The following NPFFR2 variants were observed in gnomAD, a reference collection of about 807,000 sequenced individuals.
NPFFR2 encodes the protein G-protein coupled receptor 74.
Under a neutral mutation model 13.1 loss-of-function variants are expected in NPFFR2, and 15 were observed. The ratio of observed to expected loss-of-function variants is 1.15; its 90% CI spans 0.77 to 1.76. The LOEUF (loss-of-function observed/expected upper bound fraction) is 1.76, where lower values mean the gene tolerates loss of function less well. NPFFR2 is among the 40% of genes most tolerant of loss of function. The probability of loss-of-function intolerance (pLI) is 0.00; values close to 1 mark genes in which losing one functional copy is unlikely to be tolerated. For synonymous variants in NPFFR2, 190 were observed against 175.7 expected, an observed-to-expected ratio of 1.08 and a Z score of -0.65; for missense variants, 572 against 503.5, an observed-to-expected ratio of 1.14 and a Z score of -1.30.
At chr4:72,136,534 C>A (rs1464008515) in intron 2 of NPFFR2, among the ~76,000 whole-genome samples, 1 of 152,142 alleles carries the variant, frequency 6.6e-6, no homozygotes, top group Non-Finnish European at 1.5e-5. Context: ...CTTCATTAGT[C>A]TGGACTATTC....
At chr4:72,077,484 C>G (rs1017872546) in intron 1 of NPFFR2, among the ~76,000 whole-genome samples, 3 of 152,120 alleles carry the variant, frequency 2.0e-5, no homozygotes, top group African/African-American at 7.2e-5. Flanking sequence ...TTTCCAAATG[C>G]CCTTCCAATG....
intron 3 of NPFFR2, among the ~76,000 whole-genome samples, chr4:72,145,263 A>G (rs1487056031): frequency 4.8e-5 from 5 of 103,688 alleles, no homozygotes; most frequent in Non-Finnish European, 6.8e-5. Context: ...GTAAGTACAT[A>G]TATTGTTATA....
intron 1 of NPFFR2, among the ~76,000 whole-genome samples, chr4:72,102,936 G>A (rs1225060513): frequency 6.6e-6 from 1 of 151,992 alleles, no homozygotes; most frequent in African/African-American, 2.4e-5. Flanking sequence ...AGATCCCTGA[G>A]GAATCGCCAC....
intron 1 of NPFFR2, among the ~76,000 whole-genome samples, chr4:72,042,491 TA>T (rs941358586): frequency 3.3e-4 from 50 of 152,148 alleles, no homozygotes; most frequent in African/African-American, 1.2e-3. Flanking sequence ...GAGGGCTCAG[TA>T]GAAGATAAGA....
intron 2 of NPFFR2, among the ~76,000 whole-genome samples, chr4:72,129,298 G>T (rs1392781076): frequency 1.3e-5 from 2 of 149,698 alleles, no homozygotes; most frequent in African/African-American, 4.9e-5. Context: ...AAAAGAAAAA[G>T]ACACAGAGAC....
chr4:72,143,031 G>T (rs1449481554), intron 3 of NPFFR2, among the ~76,000 whole-genome samples: 1 of 152,160 alleles, frequency 6.6e-6, no homozygotes, highest in Non-Finnish European at 1.5e-5. Flanking sequence ...ATTCACAAAA[G>T]AAGTGAGACC....
Position 72,092,257 on chromosome 4 carries a change from A to G in NPFFR2, c.-7-36328A>G, listed in dbSNP as rs561131885. On this transcript the variant is annotated intron_variant, in intron 1 of 3. Coordinates refer to ENST00000308744, the MANE Select transcript of NPFFR2 (RefSeq NM_004885.3). ...GTTGATACTTATTTTGTGGCCTATCATATGGTCTATCATGGAGAAGGTTCC... is the reference window on the plus strand; with the variant it reads ...GTTGATACTTATTTTGTGGCCTATCGTATGGTCTATCATGGAGAAGGTTCC... Among the ~76,000 whole-genome samples the G allele has an allele frequency of 2.0e-5, 3 of 152,196 alleles. No homozygotes were observed. In the South Asian group the frequency reaches 6.2e-4, roughly 32 times the overall value.
intron 1 of NPFFR2, among the ~76,000 whole-genome samples, chr4:72,049,121 T>C (rs1719468529): frequency 6.6e-6 from 1 of 152,138 alleles, no homozygotes; most frequent in Admixed American, 6.6e-5. Flanking sequence ...TTGGATTGTT[T>C]TATCTGAAAG....
chr4:72,048,818 A>G (rs1173079043), intron 1 of NPFFR2, among the ~76,000 whole-genome samples: 6 of 151,966 alleles, frequency 3.9e-5, no homozygotes, highest in African/African-American at 1.4e-4. Context: ...TAGAGTTAGA[A>G]TGTAATCTTT....
chr4:72,091,953 C>A (rs1443630474), intron 1 of NPFFR2, among the ~76,000 whole-genome samples: 7 of 152,004 alleles, frequency 4.6e-5, no homozygotes, highest in African/African-American at 1.7e-4. Context: ...CTCTTTCTGA[C>A]TTTTTGATGG....
At chr4:72,111,727 A>T (rs1721573390) in intron 1 of NPFFR2, among the ~76,000 whole-genome samples, 1 of 152,068 alleles carries the variant, frequency 6.6e-6, no homozygotes, top group Admixed American at 6.6e-5. Context: ...CTTCCCCAAC[A>T]AAAACGGAAA....
chr4:72,141,831 A>G (rs1204405285), intron 3 of NPFFR2, among the ~76,000 whole-genome samples: 13 of 152,092 alleles, frequency 8.5e-5, no homozygotes, highest in Admixed American at 6.6e-4. Context: ...ATTCTGTCTC[A>G]TTGATCTGTC....
chr4:72,118,046 A>G (rs973110154), intron 1 of NPFFR2, among the ~76,000 whole-genome samples: 6 of 152,196 alleles, frequency 3.9e-5, no homozygotes, highest in African/African-American at 1.2e-4. Context: ...AGTGAAAAAC[A>G]TATGGAGGAA....
At chr4:72,062,654 C>A (rs562086822) in intron 1 of NPFFR2, among the ~76,000 whole-genome samples, 8 of 152,142 alleles carry the variant, frequency 5.3e-5, no homozygotes, top group African/African-American at 1.9e-4. Flanking sequence ...GCACATGTGA[C>A]TTTTTTTTCC....
chr4:72,049,630 C>T (rs1319903417), intron 1 of NPFFR2, among the ~76,000 whole-genome samples: 5 of 151,968 alleles, frequency 3.3e-5, no homozygotes, highest in Non-Finnish European at 7.4e-5. Flanking sequence ...AAGAGATCAC[C>T]TCACAAAGCT....
intron 1 of NPFFR2, among the ~76,000 whole-genome samples, chr4:72,072,354 C>T: frequency 6.6e-6 from 1 of 151,754 alleles, no homozygotes; most frequent in African/African-American, 2.4e-5. Context: ...AAAATAGAAA[C>T]ATAAATGAAG....
At chr4:72,075,740 C>T (rs1720406341) in intron 1 of NPFFR2, among the ~76,000 whole-genome samples, 1 of 151,876 alleles carries the variant, frequency 6.6e-6, no homozygotes, top group Non-Finnish European at 1.5e-5. Flanking sequence ...GGACTGAAAG[C>T]ATAATGGAAA....
At chr4:72,041,121 C>T (rs954142770) in intron 1 of NPFFR2, among the ~76,000 whole-genome samples, 3 of 152,040 alleles carry the variant, frequency 2.0e-5, no homozygotes, top group African/African-American at 4.8e-5. Context: ...CTACCCAATA[C>T]GTAATTTTTC....
At chr4:72,107,126 C>G (rs1190889314) in intron 1 of NPFFR2, among the ~76,000 whole-genome samples, 5 of 151,772 alleles carry the variant, frequency 3.3e-5, no homozygotes, top group Non-Finnish European at 7.4e-5. Context: ...TTATTTCTCT[C>G]TGCCCAGCAC....
Sources: gnomAD v4.1 joint callset for allele counts (sites outside exome capture counted in the v4.1 genomes callset) on GRCh38, gnomAD v4.1.1 for gene constraint, MANE v1.5 for transcripts, NCBI Gene and HGNC (gene_info 2026-07-23, HGNC 2026-07-21) for gene names.